Variants in ZNF738 observed in about 807,000 individuals in gnomAD.
ZNF738 encodes zinc finger protein 738.
In ZNF738, 10 loss-of-function variants were observed where a neutral mutation model predicts 9.2. The ratio of observed to expected loss-of-function variants is 1.09; its 90% CI spans 0.67 to 1.85. ZNF738 has a LOEUF of 1.85. ZNF738 is among the 40% of genes most tolerant of loss of function. The pLI is 0.00. For synonymous variants in ZNF738, 113 were observed against 94.5 expected (o/e 1.20, Z -1.14); for missense variants, 346 against 283.6 (o/e 1.22, Z -1.58).
intron 4 of ZNF738, chr19:21,378,140 G>A: frequency 2.6e-6 from 1 of 391,988 alleles, no homozygotes; most frequent in East Asian, 3.6e-5. Flanking sequence ...TCTCAGATTT[G>A]TTCTTGATGT....
intron 2 of ZNF738, among the ~76,000 whole-genome samples, chr19:21,369,023 C>A (rs189991969): frequency 2.0e-5 from 3 of 152,252 alleles, no homozygotes; most frequent in Admixed American, 1.3e-4. Context: ...TAGGCATGAG[C>A]CACAGTGCCT....
chr19:21,387,006 C>CTTGAT lies in ZNF738; in HGVS notation c.*3333_*3334insTGATT. The CTTGAT allele has an allele frequency of 6.6e-6, 1 of 151,228 alleles. No homozygotes were observed. Among genetic ancestry groups the CTTGAT allele is most frequent in the East Asian group, 2.0e-4 (1 of 4,972 alleles). The allele number at this position is 151,228 out of a possible 1,614,324, so 9.4% of individuals were successfully genotyped here. On this transcript the variant is annotated 3_prime_UTR_variant, in exon 5 of 5. Coordinates refer to ENST00000683779, the MANE Select transcript of ZNF738 (RefSeq NM_001355237.2). The stretch of plus-strand genomic sequence containing the variant: ...AGGCATGAGCCACCACGCTCAGCCA[C>CTTGAT]TAGTCCTCAGATCTTAACACACATA...
In ZNF738 at chr19:21,388,089, G is replaced by A. The variant is rs1308460244; in HGVS notation, c.*4415G>A. Among the ~76,000 whole-genome samples the A allele has an allele frequency of 3.3e-5, 5 of 152,118 alleles. No homozygotes were observed. The highest frequency in any genetic ancestry group is 1.3e-4 in the Admixed American group (2 of 15,278). ...GGAACTGACACTGCAGATATACTAAGTCAAGAGTTCTGAGTATAGAAAATA... is the reference window on the plus strand; with the variant it reads ...GGAACTGACACTGCAGATATACTAAATCAAGAGTTCTGAGTATAGAAAATA... On this transcript the variant is annotated 3_prime_UTR_variant, in exon 5 of 5. Coordinates refer to ENST00000683779, the MANE Select transcript of ZNF738 (RefSeq NM_001355237.2).
Position 21,384,530 on chromosome 19 carries a change from C to G in ZNF738, c.*856C>G, listed in dbSNP as rs1162924272. ...ATGAAGAAAGTGGCAAAGCTTTTAA[C>G]TGTTCCTCACAAATTACTAGACATA... On this transcript the variant is annotated 3_prime_UTR_variant, in exon 5 of 5. Coordinates refer to ENST00000683779, the MANE Select transcript of ZNF738 (RefSeq NM_001355237.2). Among the ~76,000 whole-genome samples the G allele has an allele frequency of 4.6e-5, 7 of 150,610 alleles. No homozygotes were observed. Among genetic ancestry groups the G allele is most frequent in the African/African-American group, 7.3e-5 (3 of 40,884 alleles).
In ZNF738 at chr19:21,383,213, A is replaced by G; in HGVS notation, c.667A>G (p.Lys223Glu). 1 of 1,597,566 alleles carries G rather than the reference A, an allele frequency of 6.3e-7. No homozygotes were observed. The highest frequency in any genetic ancestry group is 1.1e-5 in the South Asian group (1 of 90,472). Residue 223 changes from lysine (K) to glutamate (E), a missense_variant, in exon 5 of 5, where the codon AAA becomes GAA. Lys to Glu is a moderately conservative substitution (Grantham distance 56). Transcript: ENST00000683779. ...CATGCTTTTACACCTAGGTCAACAT[A>G]AAATAATTCATATTAGAGAGAATTC... ...FCMLLHLGQH[K>E]IIHIRENSYQ...
At chr19:21,380,118 C>A (rs1379261810) in intron 4 of ZNF738, among the ~76,000 whole-genome samples, 1 of 152,126 alleles carries the variant, frequency 6.6e-6, no homozygotes, top group Non-Finnish European at 1.5e-5. Flanking sequence ...AAGAAAAGAT[C>A]CCCATATTCT....
chr19:21,359,200 G>A, intron 1 of ZNF738, 57 bp downstream of exon 1: 1 of 1,034,438 alleles, frequency 9.7e-7, no homozygotes, highest in Non-Finnish European at 1.5e-6. Flanking sequence ...GGAACCGGTG[G>A]GAAGTGGCTG....
chr19:21,381,654 T>C (rs1208072621), intron 4 of ZNF738: 1 of 445,862 alleles, frequency 2.2e-6, no homozygotes, highest in African/African-American at 2.0e-5. Flanking sequence ...CCACCATGCC[T>C]GGCTGATTTT....
chr19:21,363,237 A>G (rs1973723261), intron 2 of ZNF738, among the ~76,000 whole-genome samples: 1 of 152,134 alleles, frequency 6.6e-6, no homozygotes. Context: ...TGTTTGAGTA[A>G]TTTTTTTGGA....
Position 21,386,607 on chromosome 19 carries a change from G to T in ZNF738, c.*2933G>T. On this transcript the variant is annotated 3_prime_UTR_variant, in exon 5 of 5. Transcript: ENST00000683779. ...CTACAAATGTGAGGAATGTGACAAAGCCTTTAACCAGTCCTCAATTCTTAC... is the reference window on the plus strand; with the variant it reads ...CTACAAATGTGAGGAATGTGACAAATCCTTTAACCAGTCCTCAATTCTTAC... 3.5e-6 allele frequency: 1 copy of T among 288,834 alleles called. No individual in the cohort carries two copies. The highest frequency in any genetic ancestry group is 7.3e-6 in the Non-Finnish European group (1 of 137,024). 17.9% of individuals were successfully genotyped at this position (288,834 alleles called of 1,614,324 possible).
Position 21,386,445 on chromosome 19 carries a change from T to C in ZNF738, c.*2771T>C. 2 of 312,344 alleles carry C rather than the reference T, an allele frequency of 6.4e-6. No homozygotes were observed. The highest frequency in any genetic ancestry group is 8.6e-5 in the East Asian group (1 of 11,636). The allele number at this position is 312,344 out of a possible 1,614,324, so 19.3% of individuals were successfully genotyped here. A position where few individuals can be genotyped will look rare whatever the true frequency, so the allele number is the denominator to read the frequency against. ...AATGTGAAGGATGTGGTAAAGCCGT[T>C]ATCCAGTCCTCAACTCCCACTAAAC... is the stretch of plus-strand genomic sequence containing the variant. On this transcript the variant is annotated 3_prime_UTR_variant, in exon 5 of 5. Transcript: ENST00000683779.
At chr19:21,365,595 G>A (rs533056224) in intron 2 of ZNF738, among the ~76,000 whole-genome samples, 2 of 152,224 alleles carry the variant, frequency 1.3e-5, no homozygotes, top group Non-Finnish European at 2.9e-5. Flanking sequence ...ATCAGTATGT[G>A]AGGGCCATTC....
At chr19:21,359,277 C>G in intron 1 of ZNF738, 134 bp downstream of exon 1, 1 of 777,574 alleles carries the variant, frequency 1.3e-6, no homozygotes, top group Non-Finnish European at 2.3e-6. Context: ...TTGCCCAGCT[C>G]GGCCTCAGTC....
chr19:21,376,978 A>G (rs1459272593), intron 4 of ZNF738, among the ~76,000 whole-genome samples: 2 of 151,854 alleles, frequency 1.3e-5, no homozygotes, highest in East Asian at 3.9e-4. Context: ...GTGTTTCCTC[A>G]TATTCTTGAG....
intron 2 of ZNF738, among the ~76,000 whole-genome samples, chr19:21,364,443 A>C (rs1028707574): frequency 6.6e-6 from 1 of 152,110 alleles, no homozygotes; most frequent in Non-Finnish European, 1.5e-5. Context: ...AATGGCTCAG[A>C]TTGAGGGTAG....
rs566363448 is a variant in ZNF738 at position 21,387,346 on chromosome 19, G to A, written c.*3672G>A. Among the ~76,000 whole-genome samples, 5 of 151,950 alleles carry A rather than the reference G, an allele frequency of 3.3e-5. No individual in the cohort carries two copies. Among genetic ancestry groups the A allele is most frequent in the East Asian group, 3.9e-4 (2 of 5,138 alleles). The stretch of plus-strand genomic sequence containing the variant: ...TGGGATTACAGGCACCTGCCACCAC[G>A]CCTGGCTAATTTTTGTACTTTTAGT... On this transcript the variant is annotated 3_prime_UTR_variant, in exon 5 of 5. Coordinates refer to ENST00000683779, the MANE Select transcript of ZNF738 (RefSeq NM_001355237.2).
chr19:21,365,387 C>T (rs976726811), intron 2 of ZNF738, among the ~76,000 whole-genome samples: 1 of 152,090 alleles, frequency 6.6e-6, no homozygotes, highest in Non-Finnish European at 1.5e-5. Flanking sequence ...ACCCCCTATT[C>T]AAAATGGATT....
chr19:21,375,412 A>G, intron 3 of ZNF738, 48 bp downstream of exon 3: 1 of 588,652 alleles, frequency 1.7e-6, no homozygotes, highest in East Asian at 3.0e-5. Flanking sequence ...TAAAGGTTTC[A>G]TTTCTCCATT....
intron 1 of ZNF738, among the ~76,000 whole-genome samples, chr19:21,360,007 T>G (rs1973661178): frequency 6.6e-6 from 1 of 152,210 alleles, no homozygotes; most frequent in Non-Finnish European, 1.5e-5. Context: ...AAATGCATGA[T>G]GAAGAAAACC....
Sources: allele counts gnomAD v4.1 joint callset (sites outside exome capture counted in the v4.1 genomes callset), GRCh38; gene constraint gnomAD v4.1.1; transcripts MANE v1.5; gene names NCBI Gene and HGNC (gene_info 2026-07-23, HGNC 2026-07-21).